The following MCC variants were observed in gnomAD, a reference collection of about 807,000 sequenced individuals.
The protein encoded by MCC is colorectal mutant cancer protein.
In MCC, 90 loss-of-function variants were observed where a neutral mutation model predicts 116.2. That is an observed-to-expected ratio of 0.77 (90% CI 0.65 to 0.92). MCC has a LOEUF of 0.92. Among genes scored for constraint, MCC ranks in the 40% least tolerant of loss-of-function variants. The pLI is 0.00. For synonymous variants in MCC, 578 were observed against 510.5 expected, an observed-to-expected ratio of 1.13 and a Z score of -1.78; for missense variants, 1,516 against 1,312.2, an observed-to-expected ratio of 1.16 and a Z score of -2.40.
intron 17 of MCC, among the ~76,000 whole-genome samples, chr5:113,039,773 C>G (rs1751573878): frequency 6.6e-6 from 1 of 150,808 alleles, no homozygotes; most frequent in South Asian, 2.1e-4. Context: ...GGCTGCCTCC[C>G]AAGAATATGA....
At chr5:113,153,942 T>G (rs372531959) in intron 3 of MCC, among the ~76,000 whole-genome samples, 57 of 152,374 alleles carry the variant, frequency 3.7e-4, no homozygotes, top group African/African-American at 1.3e-3. Context: ...CACAGCACTC[T>G]TTTCTGGCTC....
rs376238797 is a variant in MCC at position 113,185,417 on chromosome 5, G to A, written c.628-33995C>T. Among the ~76,000 whole-genome samples, 12 of 152,020 alleles carry A rather than the reference G, an allele frequency of 7.9e-5. 1 individual carries two copies. The South Asian group carries it at 2.1e-3, about 26-fold the overall frequency. On this transcript the variant is annotated intron_variant, in intron 3 of 18. Coordinates refer to ENST00000408903, the MANE Select transcript of MCC (RefSeq NM_001085377.2). ...ATGAACACTTGACTTCCTAACAAGG[G>A]TCCACAGGCAGAGACCATCTATCTT...
chr5:113,210,344 T>C (rs1043239433), intron 3 of MCC, among the ~76,000 whole-genome samples: 7 of 152,230 alleles, frequency 4.6e-5, no homozygotes, highest in Non-Finnish European at 7.3e-5. Context: ...GGTGTTCTGC[T>C]GAACTGGGTG....
intron 3 of MCC, among the ~76,000 whole-genome samples, chr5:113,248,904 T>C (rs1200221445): frequency 9.2e-6 from 1 of 108,710 alleles, no homozygotes; most frequent in African/African-American, 3.6e-5. Flanking sequence ...CTCAGCTCAC[T>C]GCAGCCTCTG....
intron 2 of MCC, among the ~76,000 whole-genome samples, chr5:113,377,555 G>A (rs1026271222): frequency 3.3e-5 from 5 of 152,148 alleles, no homozygotes; most frequent in African/African-American, 1.2e-4. Context: ...ACAACTAGGA[G>A]GAAACTCCAG....
At chr5:113,388,479 C>T (rs764626339) in intron 1 of MCC, among the ~76,000 whole-genome samples, 3 of 152,076 alleles carry the variant, frequency 2.0e-5, no homozygotes, top group Non-Finnish European at 4.4e-5. Context: ...GGGGGTTAAT[C>T]CCTCATGAAT....
At chr5:113,309,499 A>G (rs1457893897) in intron 3 of MCC, among the ~76,000 whole-genome samples, 1 of 152,216 alleles carries the variant, frequency 6.6e-6, no homozygotes, top group Non-Finnish European at 1.5e-5. Context: ...CCCTTAGGAT[A>G]ATAGACTCCA....
intron 3 of MCC, among the ~76,000 whole-genome samples, chr5:113,284,310 C>T (rs895478220): frequency 6.6e-6 from 1 of 152,212 alleles, no homozygotes; most frequent in African/African-American, 2.4e-5. Flanking sequence ...TACTGTACTC[C>T]AGCCTGCAAA....
At position 113,460,903 on chromosome 5, in the gene MCC, C is replaced by T. The variant is rs372299012; in HGVS notation, c.170+27342G>A. ...ATGTCCCCAAATGATTTTAGCTGCA[C>T]ATCAAAATTTGAGAAGTACTGGTTT... On this transcript the variant is annotated intron_variant, in intron 1 of 18. Coordinates refer to ENST00000408903, the MANE Select transcript of MCC (RefSeq NM_001085377.2). Among the ~76,000 whole-genome samples, 279 of 152,330 alleles carry T rather than the reference C, an allele frequency of 1.8e-3. 2 individuals are homozygous for T. The highest frequency in any genetic ancestry group is 6.5e-3 in the African/African-American group (270 of 41,570).
intron 6 of MCC, among the ~76,000 whole-genome samples, chr5:113,119,422 C>A (rs1183250323): frequency 2.0e-5 from 3 of 152,076 alleles, no homozygotes; most frequent in Non-Finnish European, 4.4e-5. Flanking sequence ...GGGCTCCAGG[C>A]GGAAGGAACA....
rs368970067 is a variant in MCC, at chr5:113,023,733, T to C, written c.*3569A>G. The C allele has an allele frequency of 1.3e-5, 2 of 152,230 alleles. No homozygotes were observed. Among genetic ancestry groups the C allele is most frequent in the East Asian group, 3.8e-4 (2 of 5,202 alleles). The allele number at this position is 152,230 out of a possible 1,614,324, so 9.4% of individuals were successfully genotyped here. ...ATGGAGGAAAGGACACTTTCAGAGA[T>C]GTTTATTTTTTAATAGTCATCTTGA... On this transcript the variant is annotated 3_prime_UTR_variant, in exon 19 of 19. Transcript: ENST00000408903.
intron 1 of MCC, among the ~76,000 whole-genome samples, chr5:113,399,257 A>T (rs1769613319): frequency 1.3e-5 from 2 of 152,184 alleles, no homozygotes; most frequent in Non-Finnish European, 2.9e-5. Context: ...AGGCCGAGGC[A>T]GGCGGATCAC....
At chr5:113,371,736 C>A (rs1251188340) in intron 2 of MCC, among the ~76,000 whole-genome samples, 1 of 152,202 alleles carries the variant, frequency 6.6e-6, no homozygotes, top group Non-Finnish European at 1.5e-5. Flanking sequence ...AAACATTAAT[C>A]ATTTACTAAT....
At chr5:113,192,781 C>T (rs540724866) in intron 3 of MCC, among the ~76,000 whole-genome samples, 5 of 152,316 alleles carry the variant, frequency 3.3e-5, no homozygotes, top group Non-Finnish European at 7.3e-5. Context: ...TAAGAGATGA[C>T]ACATGCAAAG....
At chr5:113,233,088 G>A (rs1166837189) in intron 3 of MCC, among the ~76,000 whole-genome samples, 1 of 152,122 alleles carries the variant, frequency 6.6e-6, no homozygotes, top group Non-Finnish European at 1.5e-5. Flanking sequence ...CTATAAACCT[G>A]ACTATCACTA....
intron 3 of MCC, among the ~76,000 whole-genome samples, chr5:113,264,542 A>G (rs1765344248): frequency 6.6e-6 from 1 of 152,152 alleles, no homozygotes; most frequent in Non-Finnish European, 1.5e-5. Context: ...CTCAGCTATT[A>G]TAAAAGTAAA....
intron 4 of MCC, among the ~76,000 whole-genome samples, chr5:113,150,830 G>A (rs1759814761): frequency 6.6e-6 from 1 of 152,192 alleles, no homozygotes; most frequent in South Asian, 2.1e-4. Context: ...AGAAGGCCAA[G>A]GCAAGAGGAT....
intron 2 of MCC, among the ~76,000 whole-genome samples, chr5:113,354,637 G>T (rs1768365179): frequency 6.6e-6 from 1 of 151,772 alleles, no homozygotes; most frequent in Non-Finnish European, 1.5e-5. Context: ...GTTTCACCAT[G>T]TTGACCAGGC....
At chr5:113,275,682 C>T (rs977566993) in intron 3 of MCC, among the ~76,000 whole-genome samples, 1 of 152,192 alleles carries the variant, frequency 6.6e-6, no homozygotes, top group Middle Eastern at 3.4e-3. Context: ...AGAAACAAGA[C>T]AGTATAACAA....
Sources: gnomAD v4.1 joint callset for allele counts (sites outside exome capture counted in the v4.1 genomes callset) on GRCh38, gnomAD v4.1.1 for gene constraint, MANE v1.5 for transcripts, NCBI Gene and HGNC (gene_info 2026-07-23, HGNC 2026-07-21) for gene names.